Variants in KANSL1 observed in about 807,000 individuals in gnomAD.
KANSL1 encodes MLL1/MLL complex subunit KANSL1.
In KANSL1, 22 loss-of-function variants were observed where a neutral mutation model predicts 103.6. That is an observed-to-expected ratio of 0.21 (90% confidence interval 0.15 to 0.30). The LOEUF is 0.30. Among genes scored for constraint, KANSL1 ranks in the 10% least tolerant of loss-of-function variants. KANSL1 has a pLI of 1.00. For missense variants in KANSL1, 1,337 were observed against 1,399.8 expected, an observed-to-expected ratio of 0.96 and a Z score of 0.72; for synonymous variants, 600 against 527.6, an observed-to-expected ratio of 1.14 and a Z score of -1.88.
intron 4 of KANSL1, among the ~76,000 whole-genome samples, chr17:46,069,846 T>C (rs1212446947): frequency 6.6e-6 from 1 of 152,116 alleles, no homozygotes; most frequent in Non-Finnish European, 1.5e-5. Context: ...GATCAAACTA[T>C]ATACACAGAC....
chr17:46,154,930 G>A (rs1444835321), intron 2 of KANSL1, among the ~76,000 whole-genome samples: 1 of 152,034 alleles, frequency 6.6e-6, no homozygotes, highest in African/African-American at 2.4e-5. Context: ...TAAAGTACTG[G>A]GATTACAAGG....
At chr17:46,142,515 G>T (rs2044474612) in intron 2 of KANSL1, among the ~76,000 whole-genome samples, 1 of 152,296 alleles carries the variant, frequency 6.6e-6, no homozygotes, top group Admixed American at 6.5e-5. Context: ...CCAGCTACTT[G>T]TGAGGACCAC....
chr17:46,073,774 C>T (rs1307120680), intron 4 of KANSL1, among the ~76,000 whole-genome samples: 2 of 152,146 alleles, frequency 1.3e-5, no homozygotes, highest in Non-Finnish European at 2.9e-5. Context: ...CTTCAGAAAA[C>T]TGTATTTTGA....
At chr17:46,059,206 G>C (rs1273654234) in intron 6 of KANSL1, among the ~76,000 whole-genome samples, 1 of 152,120 alleles carries the variant, frequency 6.6e-6, no homozygotes, top group Non-Finnish European at 1.5e-5. Flanking sequence ...CCCTCCCAAA[G>C]AAAAAGCTGA....
At chr17:46,191,759 CA>C (rs1392882781) in intron 1 of KANSL1, among the ~76,000 whole-genome samples, 2 of 152,102 alleles carry the variant, frequency 1.3e-5, no homozygotes, top group African/African-American at 2.4e-5. Flanking sequence ...CCAAAACAAA[CA>C]AAAAAACACA....
intron 3 of KANSL1, among the ~76,000 whole-genome samples, chr17:46,085,295 T>C (rs1472525244): frequency 2.0e-5 from 3 of 152,190 alleles, no homozygotes; most frequent in Non-Finnish European, 4.4e-5. Context: ...TTGCCGTTCG[T>C]CCTTCCAAAG....
intron 2 of KANSL1, among the ~76,000 whole-genome samples, chr17:46,126,335 G>A (rs1304371553): frequency 5.3e-5 from 8 of 152,056 alleles, no homozygotes; most frequent in Non-Finnish European, 7.4e-5. Context: ...CCAGCTACTC[G>A]GGAAGCTGAG....
chr17:46,124,024 G>A (rs764566193), intron 2 of KANSL1, among the ~76,000 whole-genome samples: 2 of 152,240 alleles, frequency 1.3e-5, no homozygotes, highest in Non-Finnish European at 2.9e-5. Flanking sequence ...AGCCTCTCTT[G>A]TTAGGAGCTA....
chr17:46,096,108 T>C (rs113005926), intron 2 of KANSL1, among the ~76,000 whole-genome samples: 97 of 151,280 alleles, frequency 6.4e-4, no homozygotes, highest in African/African-American at 2.3e-3. Flanking sequence ...AGGTGTAAAA[T>C]GTGCATACCC....
chr17:46,039,373 C>T (rs536623966), intron 8 of KANSL1, 158 bp from the exon 9 acceptor site: 43 of 674,628 alleles, frequency 6.4e-5, no homozygotes, highest in Middle Eastern at 8.2e-4. Context: ...TGCACAATGG[C>T]TAGGATAGGC....
intron 2 of KANSL1, among the ~76,000 whole-genome samples, chr17:46,146,527 G>T (rs1236451220): frequency 1.3e-5 from 2 of 152,200 alleles, no homozygotes; most frequent in Non-Finnish European, 2.9e-5. Flanking sequence ...GAAAAATTCT[G>T]TATGTGTCTA....
At chr17:46,117,598 A>G (rs2043100523) in intron 2 of KANSL1, among the ~76,000 whole-genome samples, 1 of 150,514 alleles carries the variant, frequency 6.6e-6, no homozygotes, top group South Asian at 2.1e-4. Flanking sequence ...CAAAGCAGCC[A>G]AAGATTTTCA....
At chr17:46,121,888 C>G (rs1015945484) in intron 2 of KANSL1, among the ~76,000 whole-genome samples, 5 of 152,166 alleles carry the variant, frequency 3.3e-5, no homozygotes, top group African/African-American at 1.2e-4. Context: ...GCTGGGCCTA[C>G]CTTAACGTGC....
At chr17:46,103,687 T>G (rs2042412847) in intron 2 of KANSL1, among the ~76,000 whole-genome samples, 1 of 152,240 alleles carries the variant, frequency 6.6e-6, no homozygotes, top group African/African-American at 2.4e-5. Flanking sequence ...TGGATTTTAC[T>G]GACTGTGCCT....
At chr17:46,209,830 A>C (rs564462938) in intron 1 of KANSL1, among the ~76,000 whole-genome samples, 1 of 152,342 alleles carries the variant, frequency 6.6e-6, no homozygotes, top group East Asian at 1.9e-4. Context: ...AGTATAAATT[A>C]TTAAACTGCA....
rs2046246397 is a variant in KANSL1 at position 46,170,852 on chromosome 17, C to T, written c.1289+3G>A. ...AATGCTATCATGCATGAGGTCTACT[C>T]ACAGGGGTACATGACGCTGCTCGGG... On this transcript the variant is annotated splice_donor_region_variant and intron_variant, in intron 2 of 14. Transcript: ENST00000432791. 1 of 1,595,264 alleles carries T rather than the reference C, an allele frequency of 6.3e-7. No homozygotes were observed. The highest frequency in any genetic ancestry group is 8.5e-7 in the Non-Finnish European group (1 of 1,170,916).
chr17:46,182,507 C>T, intron 1 of KANSL1, among the ~76,000 whole-genome samples: 1 of 152,350 alleles, frequency 6.6e-6, no homozygotes, highest in Middle Eastern at 3.4e-3. Flanking sequence ...TAATGTGTGT[C>T]ACCCACAAGA....
intron 2 of KANSL1, among the ~76,000 whole-genome samples, chr17:46,134,969 C>A (rs1424081382): frequency 6.6e-6 from 1 of 152,048 alleles, no homozygotes; most frequent in Non-Finnish European, 1.5e-5. Flanking sequence ...CTTGTAGAGA[C>A]CAGTAGGGGT....
chr17:46,038,883 C>A (rs769394696), intron 9 of KANSL1, 144 bp downstream of exon 9: 14 of 1,158,438 alleles, frequency 1.2e-5, no homozygotes, highest in Non-Finnish European at 1.7e-5. Flanking sequence ...AAGTGACCTC[C>A]ATTTAGAAGC....
Sources: allele counts gnomAD v4.1 joint callset (sites outside exome capture counted in the v4.1 genomes callset), GRCh38; gene constraint gnomAD v4.1.1; transcripts MANE v1.5; gene names NCBI Gene and HGNC (gene_info 2026-07-23, HGNC 2026-07-21).